Variants in KSR1 observed in about 807,000 individuals in gnomAD.
KSR1 encodes kinase suppressor of ras.
KSR1 carries 35 observed loss-of-function variants against 92.9 expected under a neutral mutation model. The observed-to-expected ratio is 0.38, with a 90% CI of 0.29 to 0.50. The LOEUF is 0.50. KSR1 is among the 20% of genes least tolerant of loss of function. The pLI is 0.94. For synonymous variants in KSR1, 467 were observed against 472.6 expected, an observed-to-expected ratio of 0.99 and a Z score of 0.15; for missense variants, 972 against 1,158.5, an observed-to-expected ratio of 0.84 and a Z score of 2.34.
intron 1 of KSR1, among the ~76,000 whole-genome samples, chr17:27,466,052 C>T (rs902096913): frequency 6.6e-5 from 10 of 152,206 alleles, no homozygotes; most frequent in Admixed American, 2.0e-4. Flanking sequence ...AAGATCCCTG[C>T]GGATGAGGAT....
intron 2 of KSR1, among the ~76,000 whole-genome samples, chr17:27,568,401 C>T (rs1284284974): frequency 6.6e-6 from 1 of 152,262 alleles, no homozygotes; most frequent in East Asian, 1.9e-4. Context: ...AAGGGACCCA[C>T]CAGACTCCAA....
chr17:27,465,438 T>C (rs1005330089), intron 1 of KSR1: 1 of 152,146 alleles, frequency 6.6e-6, no homozygotes, highest in African/African-American at 2.4e-5. Context: ...CCCAGCACTT[T>C]GGGAGGCAGA....
chr17:27,474,296 C>T (rs2068275198), intron 1 of KSR1, among the ~76,000 whole-genome samples: 1 of 152,256 alleles, frequency 6.6e-6, no homozygotes, highest in Non-Finnish European at 1.5e-5. Flanking sequence ...CCCCTGTCAC[C>T]CTGTGGCTGC....
At chr17:27,457,393 C>T (rs1808708533) in intron 1 of KSR1, among the ~76,000 whole-genome samples, 2 of 152,182 alleles carry the variant, frequency 1.3e-5, no homozygotes, top group African/African-American at 4.8e-5. Context: ...AAAAGTGTTG[C>T]TGAAACTGCA....
chr17:27,577,455 G>GGCCC lies in KSR1; in HGVS notation c.373-37_373-36insGCCC. 7.5e-7 allele frequency: 1 copy of GGCCC among 1,329,250 alleles called. No homozygotes were observed. The highest frequency in any genetic ancestry group is 1.4e-5 in the African/African-American group (1 of 69,162). The allele number at this position is 1,329,250 out of a possible 1,614,324, so 82.3% of individuals were successfully genotyped here. A position where few individuals can be genotyped will look rare whatever the true frequency, so the allele number is the denominator to read the frequency against. Reference sequence around the variant, plus strand: ...TGAGGGGCTCCCGGCCCAGCCGACTGCTCACCGCCTCTCTGCCTGTCCCTC... The same window carrying GGCCC: ...TGAGGGGCTCCCGGCCCAGCCGACTGGCCCCTCACCGCCTCTCTGCCTGTCCCTC... On this transcript the variant is annotated intron_variant, in intron 2 of 20. Transcript: ENST00000644974. This position sits in a 1 kb window ranked among gnomAD's most constrained non-coding sequence, Gnocchi z 4.5.
At chr17:27,476,570 C>T (rs2150933352) in intron 1 of KSR1, among the ~76,000 whole-genome samples, 1 of 152,266 alleles carries the variant, frequency 6.6e-6, no homozygotes, top group Middle Eastern at 3.4e-3. Flanking sequence ...CTCCTGGGTG[C>T]CCAACACTCA....
At chr17:27,587,992 G>T (rs959370342) in intron 5 of KSR1, among the ~76,000 whole-genome samples, 4 of 152,326 alleles carry the variant, frequency 2.6e-5, no homozygotes, top group South Asian at 2.1e-4. Flanking sequence ...TCCTCCAGGG[G>T]CTTCTGCCTG....
intron 20 of KSR1, chr17:27,622,802 C>G (rs1484503214): frequency 1.7e-5 from 3 of 180,324 alleles, no homozygotes; most frequent in African/African-American, 7.2e-5. Context: ...TTACCAAATG[C>G]AGGTTTCTGT....
chr17:27,481,502 C>T (rs1026397156), intron 1 of KSR1, among the ~76,000 whole-genome samples: 17 of 152,230 alleles, frequency 1.1e-4, no homozygotes, highest in South Asian at 2.1e-4. Flanking sequence ...ATAAGATACA[C>T]GTAGGTACTG....
chr17:27,599,094 A>G (rs1020050221), intron 10 of KSR1, among the ~76,000 whole-genome samples: 2 of 152,228 alleles, frequency 1.3e-5, no homozygotes, highest in Admixed American at 6.5e-5. Flanking sequence ...CCCAGATGGT[A>G]TAGTCCTCCA....
intron 1 of KSR1, among the ~76,000 whole-genome samples, chr17:27,465,739 G>A (rs2150909182): frequency 6.6e-6 from 1 of 152,212 alleles, no homozygotes; most frequent in South Asian, 2.1e-4. Flanking sequence ...AGTGTGGTGG[G>A]GCTTTCTTCC....
intron 1 of KSR1, among the ~76,000 whole-genome samples, chr17:27,528,395 T>A (rs1295174997): frequency 7.9e-5 from 12 of 152,168 alleles, no homozygotes. Context: ...TTTAACACAT[T>A]TGGTCTTTGG....
chr17:27,612,315 A>G (rs940427568), intron 18 of KSR1, among the ~76,000 whole-genome samples: 1 of 152,364 alleles, frequency 6.6e-6, no homozygotes, highest in Non-Finnish European at 1.5e-5. Flanking sequence ...TTATTTTGAC[A>G]TATTTAGTAG....
chr17:27,581,187 AG>A (rs2072737841), intron 3 of KSR1, among the ~76,000 whole-genome samples: 1 of 152,046 alleles, frequency 6.6e-6, no homozygotes, highest in East Asian at 1.9e-4. Flanking sequence ...CAAGAGCGAG[AG>A]GGGGCAGGGA....
At chr17:27,474,814 C>A (rs2068289018) in intron 1 of KSR1, among the ~76,000 whole-genome samples, 1 of 152,080 alleles carries the variant, frequency 6.6e-6, no homozygotes, top group African/African-American at 2.4e-5. Context: ...AAGTAAATAT[C>A]ACCTGGAATC....
At chr17:27,468,025 G>A (rs563184972) in intron 1 of KSR1, among the ~76,000 whole-genome samples, 65 of 152,086 alleles carry the variant, frequency 4.3e-4, no homozygotes, top group Middle Eastern at 3.4e-3. Context: ...CACCGTGTTA[G>A]CCAGGATGGT....
intron 1 of KSR1, 50 bp from the exon 2 acceptor site, chr17:27,550,518 T>C (rs1282274747): frequency 1.3e-6 from 1 of 757,964 alleles, no homozygotes; most frequent in Non-Finnish European, 2.4e-6. Flanking sequence ...GCCTGCCATA[T>C]GGTTGGGCTG....
chr17:27,463,838 G>A (rs1026259968), intron 1 of KSR1, among the ~76,000 whole-genome samples: 3 of 152,182 alleles, frequency 2.0e-5, no homozygotes, highest in African/African-American at 7.2e-5. Flanking sequence ...ACTGATCACA[G>A]TGCTATTTGG....
At chr17:27,484,919 A>T (rs1033248725) in intron 1 of KSR1, among the ~76,000 whole-genome samples, 3 of 152,218 alleles carry the variant, frequency 2.0e-5, no homozygotes, top group African/African-American at 7.2e-5. Flanking sequence ...TAGGAAGTGT[A>T]TGTGAATAGG....
Sources: allele counts gnomAD v4.1 joint callset (sites outside exome capture counted in the v4.1 genomes callset), GRCh38; gene constraint gnomAD v4.1.1; non-coding constraint Gnocchi (gnomAD v3.1); transcripts MANE v1.5; gene names NCBI Gene and HGNC (gene_info 2026-07-23, HGNC 2026-07-21).